PC: variants seen among roughly 807,000 people sequenced by gnomAD.
PC encodes pyruvate carboxylase, mitochondrial.
PC carries 46 observed loss-of-function variants against 107.8 expected under a neutral mutation model. The ratio of observed to expected loss-of-function variants is 0.43; its 90% confidence interval spans 0.34 to 0.55. PC has a LOEUF of 0.55. Among genes scored for constraint, PC ranks in the 20% least tolerant of loss-of-function variants. PC has a pLI of 0.04. For missense variants in PC, 1,241 were observed against 1,643.1 expected, an observed-to-expected ratio of 0.76 and a Z score of 4.23; for synonymous variants, 662 against 684.7, an observed-to-expected ratio of 0.97 and a Z score of 0.52.
At chr11:66,885,909 T>A (rs78322764) in intron 3 of PC, among the ~76,000 whole-genome samples, 5,600 of 152,218 alleles carry the variant, frequency 0.037, 191 homozygotes, top group African/African-American at 0.077. Context: ...AATAACCAGA[T>A]CCTATACAGA....
rs563863132 is a variant in PC at position 66,858,235 on chromosome 11, G to C, written c.1369-4852C>G. 20 of 1,612,396 alleles carry C rather than the reference G, an allele frequency of 1.2e-5. No homozygotes were observed. The African/African-American group carries it at 2.0e-4, about 16-fold the overall frequency. ...AACCTCCGGCAGGTGCCCTGGGCCGGCATCGGCGCCATGCCTGCCCTGCAC... is the reference window on the plus strand; with the variant it reads ...AACCTCCGGCAGGTGCCCTGGGCCGCCATCGGCGCCATGCCTGCCCTGCAC... On this transcript the variant is annotated intron_variant, in intron 12 of 22. Transcript: ENST00000393960. The surrounding 1 kb of genome is among the most constrained non-coding windows in gnomAD (Gnocchi z 5.9).
At chr11:66,927,685 G>A (rs577245387) in intron 3 of PC, among the ~76,000 whole-genome samples, 53 of 150,884 alleles carry the variant, frequency 3.5e-4, no homozygotes, top group African/African-American at 1.1e-3. Flanking sequence ...ATCGTGCCAC[G>A]GCACTCCAGC....
At position 66,857,972 on chromosome 11, in the gene PC, C is replaced by T. The variant is rs753225073; in HGVS notation, c.1369-4589G>A. ...TCCGCAACATGACGGGACTGGTGGACCTGACACTGTCTCGCAATGCCATCA... is the reference window on the plus strand; with the variant it reads ...TCCGCAACATGACGGGACTGGTGGATCTGACACTGTCTCGCAATGCCATCA... On this transcript the variant is annotated intron_variant, in intron 12 of 22. Coordinates refer to ENST00000393960, the MANE Select transcript of PC (RefSeq NM_001040716.2). This position sits in a 1 kb window ranked among gnomAD's most constrained non-coding sequence, Gnocchi z 7.1. 22 of 1,612,432 alleles carry T rather than the reference C, an allele frequency of 1.4e-5. No homozygotes were observed. The Admixed American group carries it at 3.3e-4, about 24-fold the overall frequency.
At position 66,849,600 on chromosome 11, in the gene PC, G is replaced by C. The variant is rs376612922; in HGVS notation, c.3147+11C>G. ...CAGGGTGGAGTGTGGAGAAGCGCCAGAGCCACTGACCTCAAACTCCTCTGC... is the reference window on the plus strand; with the variant it reads ...CAGGGTGGAGTGTGGAGAAGCGCCACAGCCACTGACCTCAAACTCCTCTGC... On this transcript the variant is annotated intron_variant, in intron 21 of 22. Transcript: ENST00000393960. 7.2e-5 allele frequency: 117 copies of C among 1,613,996 alleles called. No individual in the cohort carries two copies. The highest frequency in any genetic ancestry group is 9.3e-5 in the Non-Finnish European group (110 of 1,180,046).
intron 3 of PC, among the ~76,000 whole-genome samples, chr11:66,894,697 G>A (rs758940116): frequency 2.2e-4 from 34 of 152,298 alleles, no homozygotes; most frequent in Non-Finnish European, 3.7e-4. Flanking sequence ...ACGGGCTGCC[G>A]TGTATAAAGA....
At chr11:66,941,111 A>T (rs988837332) in intron 3 of PC, among the ~76,000 whole-genome samples, 2 of 150,750 alleles carry the variant, frequency 1.3e-5, no homozygotes, top group African/African-American at 4.9e-5. Flanking sequence ...GGTGCTCAAC[A>T]TCACTAATCA....
Position 66,858,107 on chromosome 11 carries a change from T to G in PC, c.1369-4724A>C. Reference sequence around the variant, plus strand: ...CCGGGAGCCTCCGGGGCCCCGTCAATCTGCAGCACCTCATCCTCAGCGGCA... The same window carrying G: ...CCGGGAGCCTCCGGGGCCCCGTCAAGCTGCAGCACCTCATCCTCAGCGGCA... On this transcript the variant is annotated intron_variant, in intron 12 of 22. Transcript: ENST00000393960. The surrounding 1 kb of genome is among the most constrained non-coding windows in gnomAD (Gnocchi z 5.9). 1.4e-5 allele frequency: 23 copies of G among 1,609,928 alleles called. No homozygotes were observed. The highest frequency in any genetic ancestry group is 2.0e-5 in the Non-Finnish European group (23 of 1,178,390).
At chr11:66,881,821 G>A (rs1947197243) in intron 3 of PC, among the ~76,000 whole-genome samples, 1 of 152,192 alleles carries the variant, frequency 6.6e-6, no homozygotes. Flanking sequence ...GAGCCGGCCT[G>A]GAGCCCGCTT....
At chr11:66,853,477 T>C in intron 12 of PC, 94 bp from the exon 13 acceptor site, 1 of 1,466,550 alleles carries the variant, frequency 6.8e-7, no homozygotes, top group Non-Finnish European at 9.5e-7. Context: ...CTGAAGATGC[T>C]GCCCTGGGCC....
At chr11:66,955,502 A>G (rs868480886) in intron 1 of PC, among the ~76,000 whole-genome samples, 1 of 152,206 alleles carries the variant, frequency 6.6e-6, no homozygotes, top group Non-Finnish European at 1.5e-5. Flanking sequence ...AGCGGGCTTC[A>G]GTAGAAAGAC....
chr11:66,851,108 A>C lies in PC; in HGVS notation c.2155T>G (p.Ser719Ala). 1 of 1,613,366 alleles carries C rather than the reference A, an allele frequency of 6.2e-7. No homozygotes were observed. Among genetic ancestry groups the C allele is most frequent in the Non-Finnish European group, 8.5e-7 (1 of 1,180,024 alleles). ...DVADPSRTKY[S>A]LQYYMGLAEE... ...GCCAAGCCCATGTAGTACTGCAGTG[A>C]GTACTTGGTGCGGCTGGGGTCGGCC... is the stretch of plus-strand genomic sequence containing the variant. The change falls in exon 17 of 23, where the codon TCA (serine) becomes GCA (alanine). Residue 719 changes from serine (S) to alanine (A), a missense_variant. Physicochemically the swap from Ser to Ala is moderately conservative, Grantham distance 99. Transcript: ENST00000393960.
chr11:66,937,633 C>CT (rs1157161067), intron 3 of PC, among the ~76,000 whole-genome samples: 1 of 151,976 alleles, frequency 6.6e-6, no homozygotes, highest in Non-Finnish European at 1.5e-5. Flanking sequence ...TTCCTTCATT[C>CT]TTTTTTCATT....
intron 3 of PC, among the ~76,000 whole-genome samples, chr11:66,921,382 C>T (rs978482463): frequency 9.2e-5 from 14 of 152,122 alleles, no homozygotes; most frequent in Non-Finnish European, 1.8e-4. Flanking sequence ...AGATGAAAAC[C>T]AAGATGTCTA....
Position 66,850,658 on chromosome 11 carries a change from C to G in PC, c.2473+16G>C, listed in dbSNP as rs1362939227. The G allele has an allele frequency of 6.8e-6, 11 of 1,606,390 alleles. No homozygotes were observed. The highest frequency in any genetic ancestry group is 9.3e-6 in the Non-Finnish European group (11 of 1,179,660). ...GCTTTGAGAGGGGTGTGGCCACGGG[C>G]TGCTGTTCTTCCTACCTGTGTCCAG... On this transcript the variant is annotated intron_variant, in intron 18 of 22. Coordinates refer to ENST00000393960, the MANE Select transcript of PC (RefSeq NM_001040716.2).
chr11:66,861,761 G>A (rs1318549774), intron 12 of PC, among the ~76,000 whole-genome samples: 2 of 152,134 alleles, frequency 1.3e-5, no homozygotes, highest in Admixed American at 1.3e-4. Flanking sequence ...CACATTTGGG[G>A]AGGACTTGGC....
chr11:66,925,350 C>T (rs1050563747), intron 3 of PC, among the ~76,000 whole-genome samples: 14 of 152,110 alleles, frequency 9.2e-5, no homozygotes, highest in African/African-American at 3.4e-4. Context: ...GACGGCTGCC[C>T]CCGAAGCGGC....
At chr11:66,885,717 G>A (rs1291945870) in intron 3 of PC, among the ~76,000 whole-genome samples, 1 of 151,864 alleles carries the variant, frequency 6.6e-6, no homozygotes, top group African/African-American at 2.4e-5. Context: ...GCAAACACCA[G>A]AAGCTGGCAG....
Position 66,850,668 on chromosome 11 carries a change from T to G in PC, c.2473+6A>C. On this transcript the variant is annotated splice_donor_region_variant and intron_variant, in intron 18 of 22. Transcript: ENST00000393960. The stretch of plus-strand genomic sequence containing the variant: ...GGGTGTGGCCACGGGCTGCTGTTCT[T>G]CCTACCTGTGTCCAGGGGAGTCCCT... The G allele has an allele frequency of 1.2e-6, 2 of 1,608,086 alleles. No individual in the cohort carries two copies. The highest frequency in any genetic ancestry group is 1.7e-6 in the Non-Finnish European group (2 of 1,179,762).
intron 3 of PC, among the ~76,000 whole-genome samples, chr11:66,873,218 T>TA (rs1464190707): frequency 6.8e-6 from 1 of 146,538 alleles, no homozygotes; most frequent in Non-Finnish European, 1.5e-5. Flanking sequence ...CACATGCCTG[T>TA]AATCCCAGCT....
Sources: gnomAD v4.1 joint callset for allele counts (sites outside exome capture counted in the v4.1 genomes callset) on GRCh38, gnomAD v4.1.1 for gene constraint, Gnocchi (gnomAD v3.1) non-coding constraint, MANE v1.5 for transcripts, NCBI Gene and HGNC (gene_info 2026-07-23, HGNC 2026-07-21) for gene names.